The following WDPCP variants were observed in gnomAD, a reference collection of about 807,000 sequenced individuals.
The protein encoded by WDPCP is WD repeat containing planar cell polarity effector.
Under a neutral mutation model 93.1 loss-of-function variants are expected in WDPCP, and 71 were observed. That is an observed-to-expected ratio of 0.76 (90% CI 0.63 to 0.93). The LOEUF (loss-of-function observed/expected upper bound fraction) is 0.93. Ranked by LOEUF, WDPCP falls within the 40% of genes least tolerant of loss-of-function variation. WDPCP has a pLI of 0.00. For synonymous variants in WDPCP, 315 were observed against 315.0 expected (o/e 1.00, Z 0.00); for missense variants, 844 against 887.4 (o/e 0.95, Z 0.62).
chr2:63,526,079 G>GTA (rs1458999501), intron 1 of WDPCP, among the ~76,000 whole-genome samples: 1 of 151,524 alleles, frequency 6.6e-6, no homozygotes, highest in Admixed American at 6.6e-5. Context: ...GTGTGTGTGT[G>GTA]TACACACACA....
At chr2:63,509,318 T>A (rs1156821026) in intron 1 of WDPCP, among the ~76,000 whole-genome samples, 1 of 152,158 alleles carries the variant, frequency 6.6e-6, no homozygotes, top group Non-Finnish European at 1.5e-5. Flanking sequence ...CTGAACAACC[T>A]GCTCCTGAAT....
intron 1 of WDPCP, among the ~76,000 whole-genome samples, chr2:63,508,557 A>C (rs1702029899): frequency 6.6e-6 from 1 of 152,144 alleles, no homozygotes; most frequent in Non-Finnish European, 1.5e-5. Context: ...CTAACATCAT[A>C]ATGACAGGAT....
chr2:63,755,421 G>C (rs901934024), intron 2 of WDPCP, among the ~76,000 whole-genome samples: 2 of 152,196 alleles, frequency 1.3e-5, no homozygotes, highest in African/African-American at 4.8e-5. Context: ...GGTTAGCCAT[G>C]TGCCTTTTAT....
chr2:63,588,962 C>G, upstream of WDPCP: 1 of 1,601,406 alleles, frequency 6.2e-7, no homozygotes, highest in Non-Finnish European at 8.6e-7. Flanking sequence ...TCGCCCTCTC[C>G]GAGTCAGTTC....
At chr2:63,328,749 T>C (rs1687757979) in intron 12 of WDPCP, among the ~76,000 whole-genome samples, 1 of 152,208 alleles carries the variant, frequency 6.6e-6, no homozygotes, top group East Asian at 1.9e-4. Flanking sequence ...TTTTTCTTTT[T>C]GACACAGGGT....
chr2:63,385,881 G>A (rs895820629), intron 10 of WDPCP, among the ~76,000 whole-genome samples: 6 of 151,960 alleles, frequency 3.9e-5, no homozygotes, highest in African/African-American at 1.4e-4. Context: ...AAAGCCACAG[G>A]AATCAAGTCA....
At chr2:63,432,000 GA>G (rs1162222157) in intron 9 of WDPCP, among the ~76,000 whole-genome samples, 2 of 151,560 alleles carry the variant, frequency 1.3e-5, no homozygotes, top group Admixed American at 6.6e-5. Flanking sequence ...GAAAAAAAAG[GA>G]AAAAAACAAC....
intron 17 of WDPCP, among the ~76,000 whole-genome samples, chr2:63,128,155 T>G (rs1241827551): frequency 6.6e-6 from 1 of 151,946 alleles, no homozygotes; most frequent in African/African-American, 2.4e-5. Flanking sequence ...AATTAATAAA[T>G]AAATATAAGA....
intron 7 of WDPCP, among the ~76,000 whole-genome samples, chr2:63,438,942 T>C (rs1697324725): frequency 6.6e-6 from 1 of 152,028 alleles, no homozygotes; most frequent in Non-Finnish European, 1.5e-5. Context: ...AATTCAGGAG[T>C]CAGAACAGTA....
chr2:63,758,671 C>A (rs917446618), intron 2 of WDPCP, among the ~76,000 whole-genome samples: 12 of 152,160 alleles, frequency 7.9e-5, no homozygotes, highest in Non-Finnish European at 4.4e-5. Context: ...AACTCCTGGG[C>A]TCAAGTGATC....
chr2:63,791,416 G>C (rs1670543734), intron 2 of WDPCP, among the ~76,000 whole-genome samples: 1 of 152,020 alleles, frequency 6.6e-6, no homozygotes, highest in East Asian at 1.9e-4. Context: ...TTCCTAGCTG[G>C]GCATCTGATG....
At chr2:63,571,769 T>C in intron 1 of WDPCP, 1 of 380,138 alleles carries the variant, frequency 2.6e-6, no homozygotes, top group Non-Finnish European at 5.2e-6. Flanking sequence ...TGCTTCAACA[T>C]GATATATTCA....
At chr2:63,322,134 T>C (rs887171688) in intron 12 of WDPCP, among the ~76,000 whole-genome samples, 6 of 152,108 alleles carry the variant, frequency 3.9e-5, no homozygotes, top group African/African-American at 1.4e-4. Flanking sequence ...CTTGGAGAAC[T>C]TTTCTGTCTA....
At chr2:63,533,887 C>T (rs1558768877) in intron 1 of WDPCP, among the ~76,000 whole-genome samples, 1 of 151,928 alleles carries the variant, frequency 6.6e-6, no homozygotes, top group Admixed American at 6.6e-5. Context: ...GATAGAGACA[C>T]AAAAAAACCC....
intron 1 of WDPCP, among the ~76,000 whole-genome samples, chr2:63,514,657 G>T (rs1269955115): frequency 6.6e-6 from 1 of 152,064 alleles, no homozygotes; most frequent in Non-Finnish European, 1.5e-5. Flanking sequence ...CTGTAGAATG[G>T]CAGGCTAAGT....
At chr2:63,225,892 G>C (rs1190805121) in intron 14 of WDPCP, among the ~76,000 whole-genome samples, 8 of 151,802 alleles carry the variant, frequency 5.3e-5, no homozygotes, top group Admixed American at 5.3e-4. Context: ...TTAATCCTTT[G>C]CAGTATAAGA....
At chr2:63,630,345 A>T (rs1176204147) in intron 3 of WDPCP, among the ~76,000 whole-genome samples, 1 of 152,358 alleles carries the variant, frequency 6.6e-6, no homozygotes, top group East Asian at 1.9e-4. Context: ...AGATTGAAAG[A>T]AGGGATTTAA....
intron 2 of WDPCP, among the ~76,000 whole-genome samples, chr2:63,740,961 A>G (rs1004094421): frequency 1.3e-5 from 2 of 152,068 alleles, no homozygotes; most frequent in African/African-American, 2.4e-5. Context: ...TGGCACATCT[A>G]TTTTGTGAAA....
chr2:63,739,242 C>A (rs1051166601), intron 2 of WDPCP, among the ~76,000 whole-genome samples: 1 of 152,046 alleles, frequency 6.6e-6, no homozygotes, highest in African/African-American at 2.4e-5. Context: ...AAGTTCTTAT[C>A]ATTTACCTCC....
Sources: allele counts gnomAD v4.1 joint callset (sites outside exome capture counted in the v4.1 genomes callset), GRCh38; gene constraint gnomAD v4.1.1; transcripts MANE v1.5; gene names NCBI Gene and HGNC (gene_info 2026-07-23, HGNC 2026-07-21).